CNTNAP2: variants seen among roughly 807,000 people sequenced by gnomAD.
CNTNAP2 encodes contactin-associated protein-like 2.
A neutral mutation model predicts 155.2 loss-of-function variants in CNTNAP2; 98 were observed. The ratio of observed to expected loss-of-function variants is 0.63; its 90% CI spans 0.54 to 0.75. The LOEUF (loss-of-function observed/expected upper bound fraction) is 0.75. CNTNAP2 is among the 30% of genes least tolerant of loss of function. CNTNAP2 has a pLI of 0.00. For synonymous variants in CNTNAP2, 651 were observed against 631.2 expected, an observed-to-expected ratio of 1.03 and a Z score of -0.47; for missense variants, 1,727 against 1,688.1, an observed-to-expected ratio of 1.02 and a Z score of -0.40.
intron 10 of CNTNAP2, among the ~76,000 whole-genome samples, chr7:147,474,790 G>C (rs1798286389): frequency 6.6e-6 from 1 of 152,060 alleles, no homozygotes; most frequent in African/African-American, 2.4e-5. Flanking sequence ...CTGCTGATAG[G>C]GTAAGCTCAA....
At chr7:147,261,387 A>G (rs1182666548) in intron 8 of CNTNAP2, among the ~76,000 whole-genome samples, 3 of 151,736 alleles carry the variant, frequency 2.0e-5, no homozygotes, top group African/African-American at 7.3e-5. Flanking sequence ...CACACCCTCT[A>G]CCCCCAGAGA....
At chr7:146,507,388 G>A (rs1336981049) in intron 1 of CNTNAP2, among the ~76,000 whole-genome samples, 3 of 152,176 alleles carry the variant, frequency 2.0e-5, no homozygotes, top group African/African-American at 7.2e-5. Context: ...TCAATTACTT[G>A]TAGCACCTGC....
intron 4 of CNTNAP2, chr7:147,082,648 A>G (rs1800160295): frequency 6.6e-6 from 1 of 152,176 alleles, no homozygotes; most frequent in Non-Finnish European, 1.5e-5. Context: ...AAAGATCACA[A>G]TTGTCATAAT....
chr7:148,115,703 C>T (rs1804452905), intron 15 of CNTNAP2, among the ~76,000 whole-genome samples: 5 of 152,106 alleles, frequency 3.3e-5, no homozygotes. Context: ...TGATAACTAG[C>T]AACTTGAGCT....
intron 15 of CNTNAP2, among the ~76,000 whole-genome samples, chr7:148,001,626 AGAGTTAT>A (rs1018223799): frequency 3.2e-4 from 48 of 152,340 alleles, no homozygotes; most frequent in African/African-American, 1.1e-3. Context: ...GCATAAATTG[AGAGTTAT>A]GTATATTTGG....
At chr7:147,657,517 T>C (rs1257264819) in intron 13 of CNTNAP2, among the ~76,000 whole-genome samples, 3 of 152,206 alleles carry the variant, frequency 2.0e-5, no homozygotes, top group African/African-American at 4.8e-5. Flanking sequence ...ACTGTTTTTT[T>C]CCATCAATTC....
At chr7:147,939,205 G>A (rs1314060700) in intron 14 of CNTNAP2, among the ~76,000 whole-genome samples, 2 of 152,020 alleles carry the variant, frequency 1.3e-5, no homozygotes, top group Non-Finnish European at 2.9e-5. Flanking sequence ...CTAAAAAATA[G>A]GGAAGAGGGA....
intron 13 of CNTNAP2, among the ~76,000 whole-genome samples, chr7:147,852,126 C>T (rs961149857): frequency 3.3e-5 from 5 of 152,112 alleles, no homozygotes; most frequent in Admixed American, 6.6e-5. Flanking sequence ...CACAACCTCA[C>T]GGTCCTCAGG....
chr7:146,436,092 T>G (rs1287996807), intron 1 of CNTNAP2, among the ~76,000 whole-genome samples: 1 of 152,168 alleles, frequency 6.6e-6, no homozygotes, highest in Admixed American at 6.6e-5. Context: ...GTCTACATTA[T>G]TCTTAATTTA....
At chr7:147,537,179 G>A (rs965052446) in intron 11 of CNTNAP2, among the ~76,000 whole-genome samples, 4 of 151,930 alleles carry the variant, frequency 2.6e-5, no homozygotes, top group African/African-American at 9.7e-5. Flanking sequence ...GAGTAACACA[G>A]TTATAACCTT....
At position 147,963,780 on chromosome 7, in the gene CNTNAP2, A is replaced by G. The variant is rs575006285; in HGVS notation, c.2256-14082A>G. Among the ~76,000 whole-genome samples the G allele has an allele frequency of 1.3e-4, 20 of 152,268 alleles. No homozygotes were observed. In the East Asian group the frequency reaches 3.7e-3, roughly 28 times the overall value. On this transcript the variant is annotated intron_variant, in intron 14 of 23. Transcript: ENST00000361727. ...CTATAACTTTCATAGAGGGAAGTGC[A>G]CACATCTTAAATGGACAGCTTAGGC... is the stretch of plus-strand genomic sequence containing the variant.
chr7:148,404,585 C>T (rs1160283504), intron 22 of CNTNAP2, among the ~76,000 whole-genome samples: 2 of 152,170 alleles, frequency 1.3e-5, no homozygotes, highest in Non-Finnish European at 2.9e-5. Flanking sequence ...CTTTTGGTCT[C>T]CAGCCCCACA....
rs544507058 is a variant in CNTNAP2, at chr7:148,369,399, T to C, written c.3476-14250T>C. On this transcript the variant is annotated intron_variant, in intron 21 of 23. Coordinates refer to ENST00000361727, the MANE Select transcript of CNTNAP2 (RefSeq NM_014141.6). Reference sequence around the variant, plus strand: ...ACTACACCCGGCTAATTTGTGCCACTACACCTGGCTAATTTTTGCATTGTT... The same window carrying C: ...ACTACACCCGGCTAATTTGTGCCACCACACCTGGCTAATTTTTGCATTGTT... Among the ~76,000 whole-genome samples, 5 of 151,504 alleles carry C rather than the reference T, an allele frequency of 3.3e-5. No individual in the cohort carries two copies. In the South Asian group the frequency reaches 8.3e-4, roughly 25 times the overall value.
chr7:146,125,138 A>T (rs1797616222), intron 1 of CNTNAP2, among the ~76,000 whole-genome samples: 1 of 152,352 alleles, frequency 6.6e-6, no homozygotes, highest in Admixed American at 6.5e-5. Flanking sequence ...ATGAAATTTA[A>T]TCATGCCTCA....
At chr7:146,929,130 C>T (rs1021593245) in intron 3 of CNTNAP2, among the ~76,000 whole-genome samples, 4 of 152,224 alleles carry the variant, frequency 2.6e-5, no homozygotes, top group African/African-American at 9.6e-5. Flanking sequence ...GGGCAGACTG[C>T]CTCCTCAAGT....
chr7:148,317,720 A>G (rs1797715290), intron 21 of CNTNAP2, among the ~76,000 whole-genome samples: 3 of 148,232 alleles, frequency 2.0e-5, no homozygotes, highest in East Asian at 2.0e-4. Flanking sequence ...TTTTTTTTTT[A>G]GACGGAGTCT....
intron 1 of CNTNAP2, among the ~76,000 whole-genome samples, chr7:146,159,459 A>T (rs1303131908): frequency 1.3e-5 from 2 of 152,188 alleles, no homozygotes; most frequent in East Asian, 1.9e-4. Flanking sequence ...TTGGATAAAG[A>T]GTCAAGACCC....
chr7:146,780,145 G>T (rs928203700), intron 2 of CNTNAP2, among the ~76,000 whole-genome samples: 7 of 151,968 alleles, frequency 4.6e-5, no homozygotes, highest in Non-Finnish European at 1.0e-4. Context: ...CAGTGTAAAA[G>T]TGTTCCTATT....
intron 1 of CNTNAP2, among the ~76,000 whole-genome samples, chr7:146,232,990 C>T (rs1799411324): frequency 6.6e-6 from 1 of 152,062 alleles, no homozygotes; most frequent in African/African-American, 2.4e-5. Context: ...TGCATAATCT[C>T]AATCTATTGG....
Sources: allele counts gnomAD v4.1 joint callset (sites outside exome capture counted in the v4.1 genomes callset), GRCh38; gene constraint gnomAD v4.1.1; transcripts MANE v1.5; gene names NCBI Gene and HGNC (gene_info 2026-07-23, HGNC 2026-07-21).